PSMD3: variants seen among roughly 807,000 people sequenced by gnomAD.
The protein encoded by PSMD3 is 26S proteasome non-ATPase regulatory subunit 3.
PSMD3 carries 5 observed loss-of-function variants against 62.8 expected under a neutral mutation model. That is an observed-to-expected ratio of 0.08 (90% CI 0.04 to 0.17). PSMD3 has a LOEUF of 0.17. PSMD3 is among the 10% of genes least tolerant of loss of function. The pLI is 1.00. For missense variants in PSMD3, 524 were observed against 713.6 expected (o/e 0.73, Z 3.03); for synonymous variants, 265 against 283.9 (o/e 0.93, Z 0.67).
At position 39,986,699 on chromosome 17, in the gene PSMD3, A is replaced by G. The variant is rs776343842; in HGVS notation, c.536A>G (p.Lys179Arg). The stretch of plus-strand genomic sequence containing the variant: ...GTGGTCATCTTCATGATGAACAGCA[A>G]GCGCTACAAAGAGGTATCCAGGATG... The part of the protein sequence containing the change: ...LLVVIFMMNS[K>R]RYKEAQKISD... Residue 179 changes from lysine to arginine, a missense_variant, in exon 3 of 12, where the codon AAG becomes AGG. Lys to Arg is a conservative substitution (Grantham distance 26, BLOSUM62 2). Around this residue, in one of 4 missense-constraint regions of PSMD3, gnomAD observed 396 missense variants for 475.8 expected, o/e 0.83. Transcript: ENST00000264639. 13 of 1,614,198 alleles carry G rather than the reference A, an allele frequency of 8.1e-6. No homozygotes were observed. Among genetic ancestry groups the G allele is most frequent in the Admixed American group, 3.3e-5 (2 of 60,018 alleles).
At chr17:39,983,651 A>T (rs758003442) in intron 1 of PSMD3, among the ~76,000 whole-genome samples, 1 of 152,084 alleles carries the variant, frequency 6.6e-6, no homozygotes, top group Non-Finnish European at 1.5e-5. Flanking sequence ...TGCGTATGTG[A>T]TTTCTCCCAT....
chr17:39,997,872 G>A lies in PSMD3; in HGVS notation c.*291G>A. 2.1e-6 allele frequency: 1 copy of A among 470,486 alleles called. No individual in the cohort carries two copies. Among genetic ancestry groups the A allele is most frequent in the South Asian group, 2.9e-5 (1 of 34,762 alleles). The allele number at this position is 470,486 out of a possible 1,614,324, so 29.1% of individuals were successfully genotyped here. Reference sequence around the variant, plus strand: ...ATAGTTCTGTGTACTCCTTTAGGGAGTGGGGGACTAGAACTGGGATGTCTT... The same window carrying A: ...ATAGTTCTGTGTACTCCTTTAGGGAATGGGGGACTAGAACTGGGATGTCTT... On this transcript the variant is annotated 3_prime_UTR_variant, in exon 12 of 12. Transcript: ENST00000264639.
intron 3 of PSMD3, among the ~76,000 whole-genome samples, chr17:39,987,228 C>G (rs1980546875): frequency 1.3e-5 from 1 of 77,076 alleles, no homozygotes; most frequent in Admixed American, 1.8e-4. Flanking sequence ...TCTACCACTC[C>G]CCCAGCTAGG....
Position 39,996,112 on chromosome 17 carries a change from C to T in PSMD3, c.1321-71C>T. 6.4e-7 allele frequency: 1 copy of T among 1,560,464 alleles called. No individual in the cohort carries two copies. Among genetic ancestry groups the T allele is most frequent in the Middle Eastern group, 2.2e-4 (1 of 4,634 alleles). ...CTCCTGCCTGGGTGACAGAGCGAGA[C>T]TCCATCTCAAAAAAAAAAAAAAAGA... On this transcript the variant is annotated intron_variant, in intron 9 of 11. Transcript: ENST00000264639. This position sits in a 1 kb window ranked among gnomAD's most constrained non-coding sequence, Gnocchi z 5.1.
At chr17:39,992,403 C>T (rs1251417493) in intron 6 of PSMD3, among the ~76,000 whole-genome samples, 1 of 152,184 alleles carries the variant, frequency 6.6e-6, no homozygotes, top group Non-Finnish European at 1.5e-5. Flanking sequence ...GTACCCCTGT[C>T]ACCACCCAGC....
intron 2 of PSMD3, among the ~76,000 whole-genome samples, chr17:39,985,952 G>A (rs1980516123): frequency 6.6e-6 from 1 of 152,166 alleles, no homozygotes; most frequent in African/African-American, 2.4e-5. Context: ...ATCCAGGTGT[G>A]GTGGTTTAAT....
intron 1 of PSMD3, 85 bp downstream of exon 1, chr17:39,981,275 A>T: frequency 6.5e-7 from 1 of 1,533,000 alleles, no homozygotes; most frequent in South Asian, 1.2e-5. Flanking sequence ...AAGCCACAGC[A>T]GCCTCCACCA....
intron 6 of PSMD3, chr17:39,993,580 G>C (rs1259354763): frequency 6.6e-6 from 1 of 152,334 alleles, no homozygotes; most frequent in South Asian, 2.1e-4. Flanking sequence ...TTGGTCGTCT[G>C]TTGAATTGTC....
At position 39,989,895 on chromosome 17, in the gene PSMD3, C is replaced by A. The variant is rs187473049; in HGVS notation, c.843C>A (p.Asn281Lys). The stretch of plus-strand genomic sequence containing the variant: ...AGTCTGTGTTCCCAGAGCAGGCCAA[C>A]AACAATGAGTGGGCCAGGTACCTCT... ...VSKSVFPEQA[N>K]NNEWARYLYY... The change falls in exon 5 of 12, where the codon AAC (asparagine) becomes AAA (lysine). Residue 281 changes from asparagine (N) to lysine (K), a missense_variant. Physicochemically the swap from Asn to Lys is moderately conservative, Grantham distance 94. Around this residue, in one of 4 missense-constraint regions of PSMD3, gnomAD observed 396 missense variants for 475.8 expected, o/e 0.83. Transcript: ENST00000264639. 1 of 1,613,986 alleles carries A rather than the reference C, an allele frequency of 6.2e-7. No individual in the cohort carries two copies. Among genetic ancestry groups the A allele is most frequent in the Non-Finnish European group, 8.5e-7 (1 of 1,179,992 alleles).
intron 2 of PSMD3, among the ~76,000 whole-genome samples, chr17:39,985,598 C>G (rs928193382): frequency 6.6e-6 from 1 of 152,242 alleles, no homozygotes; most frequent in African/African-American, 2.4e-5. Context: ...ATCCTGTATA[C>G]TCAGTCAGCT....
chr17:39,986,986 G>T (rs976258575), intron 3 of PSMD3, among the ~76,000 whole-genome samples: 3 of 152,142 alleles, frequency 2.0e-5, no homozygotes, highest in Non-Finnish European at 4.4e-5. Flanking sequence ...AGGGGCATTT[G>T]GAGACAGAAA....
intron 6 of PSMD3, chr17:39,993,504 G>C (rs1056350281): frequency 6.6e-6 from 1 of 152,182 alleles, no homozygotes; most frequent in African/African-American, 2.4e-5. Context: ...CCTTCCTCCT[G>C]CTTTCCCGAT....
chr17:39,989,752 C>T lies in PSMD3; in HGVS notation c.700C>T (p.Arg234Trp), dbSNP rs773053780. Residue 234 changes from arginine to tryptophan, a missense_variant, in exon 5 of 12, where the codon CGG becomes TGG. This residue lies in a region of PSMD3 where 396 missense variants were observed against 475.8 expected (regional missense o/e 0.83). Transcript: ENST00000264639. Reference protein sequence around the residue: ...LDVVRSFLHARLRTATLRHDA... With the variant: ...LDVVRSFLHAWLRTATLRHDA... Reference sequence around the variant, plus strand: ...TCCTTCTTGAAGCTTCTTGCATGCTCGGCTCCGGACAGCTACGCTTCGGCA... The same window carrying T: ...TCCTTCTTGAAGCTTCTTGCATGCTTGGCTCCGGACAGCTACGCTTCGGCA... The T allele has an allele frequency of 4.3e-6, 7 of 1,613,276 alleles. No individual in the cohort carries two copies. The highest frequency in any genetic ancestry group is 5.9e-6 in the Non-Finnish European group (7 of 1,179,796).
At chr17:39,988,213 T>C (rs1232880664) in intron 3 of PSMD3, among the ~76,000 whole-genome samples, 3 of 152,154 alleles carry the variant, frequency 2.0e-5, no homozygotes, top group Non-Finnish European at 4.4e-5. Flanking sequence ...AGAAACACCA[T>C]ACGTATTAGT....
chr17:39,994,902 C>T (rs1980744086), intron 6 of PSMD3, 52 bp from the exon 7 acceptor site: 1 of 1,513,590 alleles, frequency 6.6e-7, no homozygotes, highest in Admixed American at 1.7e-5. Flanking sequence ...TCATTTTCTT[C>T]TTCCGCCCAT....
chr17:39,987,346 G>A (rs928310892), intron 3 of PSMD3, among the ~76,000 whole-genome samples: 1 of 152,056 alleles, frequency 6.6e-6, no homozygotes, highest in Non-Finnish European at 1.5e-5. Context: ...ACTATTTTTG[G>A]TTGTTGTTTG....
At chr17:39,989,718 A>G in intron 4 of PSMD3, 21 bp from the exon 5 acceptor site, 1 of 1,600,874 alleles carries the variant, frequency 6.2e-7, no homozygotes, top group Non-Finnish European at 8.5e-7. Flanking sequence ...AGGCTTTGAC[A>G]TCTTTCTTTC....
chr17:39,989,549 G>A (rs901047413), intron 4 of PSMD3, among the ~76,000 whole-genome samples, 190 bp from the exon 5 acceptor site: 12 of 152,140 alleles, frequency 7.9e-5, no homozygotes, highest in African/African-American at 2.7e-4. Context: ...CTAAGGGCAG[G>A]GTTTTGTCCC....
chr17:39,995,089 C>T lies in PSMD3; in HGVS notation c.1096+21C>T. On this transcript the variant is annotated intron_variant, in intron 7 of 11. Coordinates refer to ENST00000264639, the MANE Select transcript of PSMD3 (RefSeq NM_002809.4). The surrounding 1 kb of genome is among the most constrained non-coding windows in gnomAD (Gnocchi z 4.1). ...TCAAGGTAAGGCTGGCTTCCCCACCCCAGAGCCCACTAGGCCCCCTTCAGT... is the reference window on the plus strand; with the variant it reads ...TCAAGGTAAGGCTGGCTTCCCCACCTCAGAGCCCACTAGGCCCCCTTCAGT... 1 of 1,613,996 alleles carries T rather than the reference C, an allele frequency of 6.2e-7. No homozygotes were observed. The highest frequency in any genetic ancestry group is 8.5e-7 in the Non-Finnish European group (1 of 1,179,904).
Sources: gnomAD v4.1 joint callset for allele counts (sites outside exome capture counted in the v4.1 genomes callset) on GRCh38, gnomAD v4.1.1 for gene constraint, gnomAD v4.1.1 regional missense constraint, Gnocchi (gnomAD v3.1) non-coding constraint, MANE v1.5 for transcripts, NCBI Gene and HGNC (gene_info 2026-07-23, HGNC 2026-07-21) for gene names.